METTL15: variants seen among roughly 807,000 people sequenced by gnomAD.
The protein encoded by METTL15 is 12S rRNA N(4)-cytidine methyltransferase METTL15.
METTL15 carries 34 observed loss-of-function variants against 38.3 expected under a neutral mutation model. That is an observed-to-expected ratio of 0.89 (90% CI 0.68 to 1.18). The LOEUF (loss-of-function observed/expected upper bound fraction) is 1.18. Ranked by LOEUF, METTL15 falls within the 50% of genes most tolerant of loss-of-function variation. The probability of loss-of-function intolerance (pLI) is 0.00; values close to 1 mark genes in which losing one functional copy is unlikely to be tolerated. For missense variants in METTL15, 438 were observed against 498.4 expected (o/e 0.88, Z 1.15); for synonymous variants, 162 against 170.9 (o/e 0.95, Z 0.41).
chr11:28,243,980 G>T (rs1854409619), intron 4 of METTL15, among the ~76,000 whole-genome samples: 3 of 152,186 alleles, frequency 2.0e-5, no homozygotes, highest in Non-Finnish European at 4.4e-5. Context: ...AATGACTGAT[G>T]CCTTAGCTGA....
At chr11:28,237,922 T>G (rs1295613664) in intron 4 of METTL15, among the ~76,000 whole-genome samples, 1 of 152,146 alleles carries the variant, frequency 6.6e-6, no homozygotes, top group African/African-American at 2.4e-5. Context: ...ACCGCGGATT[T>G]TCGTGATCCG....
chr11:28,193,027 T>G (rs1040295860), intron 3 of METTL15, among the ~76,000 whole-genome samples: 11 of 152,168 alleles, frequency 7.2e-5, no homozygotes, highest in Non-Finnish European at 1.6e-4. Context: ...AATTAAAATC[T>G]TAGGCTTTCA....
intron 3 of METTL15, among the ~76,000 whole-genome samples, chr11:28,185,208 G>A (rs1243084475): frequency 6.6e-6 from 1 of 151,358 alleles, no homozygotes; most frequent in Non-Finnish European, 1.5e-5. Context: ...GTAAATAGCT[G>A]TTCACTGATT....
rs72878318 is a variant in METTL15 at position 28,317,275 on chromosome 11, C to T, written c.779-13121C>T. Among the ~76,000 whole-genome samples the T allele has an allele frequency of 5.5e-3, 842 of 152,082 alleles. 6 individuals carry two copies. The highest frequency in any genetic ancestry group is 0.011 in the Admixed American group (174 of 15,270). ...CTCACTGAGTAAAGCCAATTTTCTC[C>T]AGAACCATTCAAGTTCACAGATTTT... On this transcript the variant is annotated intron_variant, in intron 6 of 6. Coordinates refer to ENST00000407364, the MANE Select transcript of METTL15 (RefSeq NM_001113528.2).
intron 5 of METTL15, among the ~76,000 whole-genome samples, chr11:28,293,568 A>G (rs1856610327): frequency 6.6e-6 from 1 of 152,134 alleles, no homozygotes; most frequent in South Asian, 2.1e-4. Context: ...TGAACTTTAA[A>G]GTAGTTTTTT....
intron 5 of METTL15, among the ~76,000 whole-genome samples, chr11:28,378,470 C>T (rs1207151829): frequency 3.3e-5 from 5 of 152,346 alleles, no homozygotes; most frequent in South Asian, 4.1e-4. Context: ...ACTCCCTGAC[C>T]CCTTGCGCTT....
chr11:28,369,077 G>A (rs1267607667), intron 5 of METTL15, among the ~76,000 whole-genome samples: 2 of 151,916 alleles, frequency 1.3e-5, no homozygotes, highest in African/African-American at 2.4e-5. Context: ...GGTGCAGCAA[G>A]CCACCATGGC....
chr11:28,353,788 G>A (rs1344251502), intron 4 of METTL15, among the ~76,000 whole-genome samples: 2 of 151,670 alleles, frequency 1.3e-5, no homozygotes, highest in Non-Finnish European at 2.9e-5. Context: ...AGCCGGGCGC[G>A]GTGGCGGGCG....
intron 4 of METTL15, among the ~76,000 whole-genome samples, chr11:28,219,883 C>G (rs546209831): frequency 6.6e-6 from 1 of 152,248 alleles, no homozygotes; most frequent in East Asian, 1.9e-4. Context: ...GAGTGAGTTT[C>G]TTAATCCTGA....
chr11:28,528,371 T>C (rs898543539), downstream of METTL15, among the ~76,000 whole-genome samples: 6 of 152,200 alleles, frequency 3.9e-5, no homozygotes, highest in Non-Finnish European at 7.4e-5. Flanking sequence ...TGTCCAAACA[T>C]AATAAAACAG....
intron 6 of METTL15, among the ~76,000 whole-genome samples, chr11:28,487,704 T>C (rs759490873): frequency 1.4e-4 from 22 of 152,170 alleles, no homozygotes; most frequent in Non-Finnish European, 2.9e-5. Context: ...CAGATGTAGA[T>C]ACAGAATCTA....
intron 6 of METTL15, among the ~76,000 whole-genome samples, chr11:28,503,018 T>G (rs1177355634): frequency 6.6e-6 from 1 of 152,210 alleles, no homozygotes; most frequent in Non-Finnish European, 1.5e-5. Flanking sequence ...AATGGTTTAT[T>G]TCTCACTTGC....
intron 4 of METTL15, among the ~76,000 whole-genome samples, chr11:28,262,740 G>T (rs1855258441): frequency 6.6e-6 from 1 of 152,058 alleles, no homozygotes; most frequent in African/African-American, 2.4e-5. Context: ...AAAACAGTGT[G>T]TCTGTATAGT....
chr11:28,419,923 AG>A (rs1850805557), intron 5 of METTL15, among the ~76,000 whole-genome samples: 1 of 152,170 alleles, frequency 6.6e-6, no homozygotes. Context: ...ATCAAACAGA[AG>A]AGAGAATTAG....
chr11:28,482,257 A>G (rs1396753054), intron 6 of METTL15, among the ~76,000 whole-genome samples: 1 of 152,224 alleles, frequency 6.6e-6, no homozygotes, highest in Non-Finnish European at 1.5e-5. Context: ...CACTTAAGCA[A>G]TTTATAGCCA....
At chr11:28,334,107 G>T (rs767607209), downstream of METTL15, among the ~76,000 whole-genome samples, 5 of 151,910 alleles carry the variant, frequency 3.3e-5, no homozygotes, top group South Asian at 8.3e-4. Flanking sequence ...ATGTATATAT[G>T]TACTCAAGCG....
intron 4 of METTL15, among the ~76,000 whole-genome samples, chr11:28,233,789 A>T (rs1466610108): frequency 1.3e-5 from 2 of 150,204 alleles, no homozygotes; most frequent in Non-Finnish European, 3.0e-5. Flanking sequence ...AATTCCTCTG[A>T]CTCCATTCTT....
At chr11:28,187,862 G>A (rs992856793) in intron 3 of METTL15, among the ~76,000 whole-genome samples, 2 of 150,826 alleles carry the variant, frequency 1.3e-5, no homozygotes, top group African/African-American at 4.8e-5. Flanking sequence ...TTATTTTTAA[G>A]AAAATAAAAA....
chr11:28,199,916 G>C (rs1289635568), intron 3 of METTL15, among the ~76,000 whole-genome samples: 2 of 151,792 alleles, frequency 1.3e-5, no homozygotes, highest in Non-Finnish European at 2.9e-5. Context: ...GTAATTTTTT[G>C]TATTTTTAGT....
Sources: allele counts gnomAD v4.1 joint callset (sites outside exome capture counted in the v4.1 genomes callset), GRCh38; gene constraint gnomAD v4.1.1; transcripts MANE v1.5; gene names NCBI Gene and HGNC (gene_info 2026-07-23, HGNC 2026-07-21).